Variants in CARF observed in about 807,000 individuals in gnomAD.
CARF encodes the protein calcium responsive transcription factor.
A neutral mutation model predicts 82.0 loss-of-function variants in CARF; 57 were observed. That is an observed-to-expected ratio of 0.70 (90% confidence interval 0.56 to 0.87). CARF has a LOEUF of 0.87. Among genes scored for constraint, CARF ranks in the 40% least tolerant of loss-of-function variants. CARF has a pLI of 0.00. For synonymous variants in CARF, 268 were observed against 290.1 expected, an observed-to-expected ratio of 0.92 and a Z score of 0.77; for missense variants, 771 against 855.8, an observed-to-expected ratio of 0.90 and a Z score of 1.24.
chr2:202,918,372 T>A (rs1339302446), intron 2 of CARF, among the ~76,000 whole-genome samples: 1 of 151,890 alleles, frequency 6.6e-6, no homozygotes, highest in East Asian at 1.9e-4. Flanking sequence ...ACAAAAAAAA[T>A]TAGCCGGGCA....
intron 5 of CARF, among the ~76,000 whole-genome samples, chr2:202,943,848 A>C (rs549135879): frequency 6.6e-6 from 1 of 152,032 alleles, no homozygotes; most frequent in Admixed American, 6.6e-5. Context: ...GGGTTTCACC[A>C]TGTTGGCCAG....
At chr2:202,966,174 C>T (rs908207402) in intron 9 of CARF, among the ~76,000 whole-genome samples, 1 of 152,144 alleles carries the variant, frequency 6.6e-6, no homozygotes, top group East Asian at 1.9e-4. Flanking sequence ...TACTTCCTAC[C>T]ACTTTGGCCA....
Position 202,986,899 on chromosome 2 carries a change from T to TATATATAC in CARF, c.*3282_*3283insCATATATA, listed in dbSNP as rs2060467646. The stretch of plus-strand genomic sequence containing the variant: ...ATATATATATATATATATATATATA[T>TATATATAC]ATATATATAGCAACTTGATGTATAG... On this transcript the variant is annotated 3_prime_UTR_variant, in exon 17 of 17. Coordinates refer to ENST00000438828, the MANE Select transcript of CARF (RefSeq NM_024744.17). 1.4e-5 allele frequency: 2 copies of TATATATAC among 138,134 alleles called. No individual in the cohort carries two copies. Among genetic ancestry groups the TATATATAC allele is most frequent in the South Asian group, 2.3e-4 (1 of 4,376 alleles). 8.6% of individuals were successfully genotyped at this position (138,134 alleles called of 1,614,324 possible).
At chr2:202,969,615 A>C (rs2059700613) in intron 10 of CARF, among the ~76,000 whole-genome samples, 1 of 150,904 alleles carries the variant, frequency 6.6e-6, no homozygotes, top group South Asian at 2.1e-4. Flanking sequence ...ATAAATAAAT[A>C]AATAAGTAAT....
At chr2:202,982,024 A>T (rs755215631) in intron 15 of CARF, 48 bp from the exon 16 acceptor site, 19 of 1,572,874 alleles carry the variant, frequency 1.2e-5, no homozygotes, top group Non-Finnish European at 1.6e-5. Context: ...TGAGAATATC[A>T]TACATAGGAA....
chr2:202,933,907 A>G (rs1405307193), intron 3 of CARF, among the ~76,000 whole-genome samples: 1 of 151,832 alleles, frequency 6.6e-6, no homozygotes, highest in Non-Finnish European at 1.5e-5. Flanking sequence ...ACACCACTAT[A>G]CAAACAGGGA....
At chr2:202,925,619 C>A in intron 3 of CARF, 1 of 247,542 alleles carries the variant, frequency 4.0e-6, no homozygotes, top group Non-Finnish European at 8.1e-6. Context: ...GAATGAGGGC[C>A]TCAAAGGCCA....
At chr2:202,982,538 G>T in intron 16 of CARF, 97 bp downstream of exon 16, 3 of 1,368,202 alleles carry the variant, frequency 2.2e-6, no homozygotes, top group Non-Finnish European at 3.0e-6. Flanking sequence ...CTACCCAGTG[G>T]GTCTATGATA....
chr2:202,978,801 A>G (rs2060131815), intron 14 of CARF, among the ~76,000 whole-genome samples: 1 of 152,190 alleles, frequency 6.6e-6, no homozygotes, highest in Non-Finnish European at 1.5e-5. Context: ...TAAAAGAGTG[A>G]CTGAAATTTT....
chr2:202,932,647 TGCAGCA>T (rs374632298), intron 3 of CARF, among the ~76,000 whole-genome samples: 3 of 151,652 alleles, frequency 2.0e-5, no homozygotes, highest in East Asian at 3.9e-4. Context: ...TGAGGCCAGT[TGCAGCA>T]GCAGCAGCAG....
In CARF at chr2:202,984,468, G is replaced by GA. The variant is rs2105953402; in HGVS notation, c.*848dup. On this transcript the variant is annotated 3_prime_UTR_variant, in exon 17 of 17. Coordinates refer to ENST00000438828, the MANE Select transcript of CARF (RefSeq NM_024744.17). ...TTCCTTGGTGTTTACAGATAATTTGGAAAACTTTTTGATGACAGCAGAGGA... is the reference window on the plus strand; with the variant it reads ...TTCCTTGGTGTTTACAGATAATTTGGAAAAACTTTTTGATGACAGCAGAGGA... 6.6e-6 allele frequency: 1 copy of GA among 152,224 alleles called. No homozygotes were observed. Among genetic ancestry groups the GA allele is most frequent in the East Asian group, 1.9e-4 (1 of 5,186 alleles). The allele number at this position is 152,224 out of a possible 1,614,324, so 9.4% of individuals were successfully genotyped here.
intron 13 of CARF, among the ~76,000 whole-genome samples, chr2:202,976,522 CTG>C (rs1205628976): frequency 2.0e-5 from 3 of 152,048 alleles, no homozygotes; most frequent in African/African-American, 7.2e-5. Context: ...TTAGTCATCT[CTG>C]TGAAAATTTT....
chr2:202,987,286 T>C lies in CARF; in HGVS notation c.*3662T>C, dbSNP rs1487917412. On this transcript the variant is annotated 3_prime_UTR_variant, in exon 17 of 17. Transcript: ENST00000438828. ...TTTGGCACCATGACATTTTCAAGTA[T>C]AGCTTTATATTTTAGGAGTAATGAC... is the stretch of plus-strand genomic sequence containing the variant. Among the ~76,000 whole-genome samples, 1 of 146,356 alleles carries C rather than the reference T, an allele frequency of 6.8e-6. No individual in the cohort carries two copies. The highest frequency in any genetic ancestry group is 2.1e-4 in the East Asian group (1 of 4,812).
At chr2:202,939,810 TC>T (rs939843660) in intron 3 of CARF, among the ~76,000 whole-genome samples, 7 of 147,972 alleles carry the variant, frequency 4.7e-5, no homozygotes, top group African/African-American at 1.7e-4. Context: ...CACCTCAGCC[TC>T]CTGAGTAGCT....
intron 10 of CARF, among the ~76,000 whole-genome samples, 166 bp downstream of exon 10, chr2:202,967,264 T>G (rs2059594872): frequency 6.6e-6 from 1 of 152,232 alleles, no homozygotes; most frequent in Non-Finnish European, 1.5e-5. Context: ...CTTACTAGTT[T>G]TTTGAGTCAT....
intron 16 of CARF, among the ~76,000 whole-genome samples, chr2:202,983,220 CTAG>C (rs2060338927): frequency 6.6e-6 from 1 of 152,146 alleles, no homozygotes; most frequent in African/African-American, 2.4e-5. Flanking sequence ...TGAAAGGGAA[CTAG>C]TAAGACTTGG....
chr2:202,981,680 C>T lies in CARF; in HGVS notation c.1684C>T (p.Leu562=), dbSNP rs367880108. Residue 562 remains leucine, a synonymous_variant, in exon 15 of 17, where the codon CTA becomes TTA. Coordinates refer to ENST00000438828, the MANE Select transcript of CARF (RefSeq NM_024744.17). The stretch of plus-strand genomic sequence containing the variant: ...ATTTCAGCCCAAAATATTTACACAA[C>T]TACAGGTAGGTATCCAGTAAAATAT... ...SSFQPKIFTQ[L]QGLQLQPRYT... is the part of the protein sequence containing the mutation. 6.2e-7 allele frequency: 1 copy of T among 1,610,518 alleles called. No homozygotes were observed. Among genetic ancestry groups the T allele is most frequent in the Non-Finnish European group, 8.5e-7 (1 of 1,178,264 alleles).
At chr2:202,968,176 G>A (rs2105904195) in intron 10 of CARF, among the ~76,000 whole-genome samples, 1 of 152,226 alleles carries the variant, frequency 6.6e-6, no homozygotes, top group East Asian at 1.9e-4. Flanking sequence ...GGCCGAGGTG[G>A]GCGGATTACA....
At chr2:202,956,487 G>C (rs1044460138) in intron 8 of CARF, among the ~76,000 whole-genome samples, 1 of 152,030 alleles carries the variant, frequency 6.6e-6, no homozygotes, top group Non-Finnish European at 1.5e-5. Context: ...AACTCCTGAG[G>C]TGATCTACCC....
Sources: gnomAD v4.1 joint callset for allele counts (sites outside exome capture counted in the v4.1 genomes callset) on GRCh38, gnomAD v4.1.1 for gene constraint, MANE v1.5 for transcripts, NCBI Gene and HGNC (gene_info 2026-07-23, HGNC 2026-07-21) for gene names.